Variants in FAT3 observed in about 807,000 individuals in gnomAD.
FAT3 encodes the protein FAT atypical cadherin 3.
Under a neutral mutation model 310.2 loss-of-function variants are expected in FAT3, and 95 were observed. That is an observed-to-expected ratio of 0.31 (90% CI 0.26 to 0.36). FAT3 has a LOEUF of 0.36. FAT3 is among the 10% of genes least tolerant of loss of function. The pLI, the probability that FAT3 is intolerant of heterozygous loss-of-function variation, is 1.00. For missense variants in FAT3, 5,408 were observed against 5,715.6 expected, an observed-to-expected ratio of 0.95 and a Z score of 1.74; for synonymous variants, 2,314 against 2,192.9, an observed-to-expected ratio of 1.06 and a Z score of -1.54.
chr11:92,761,895 A>AC lies in FAT3; in HGVS notation c.3711dup (p.Ile1238HisfsTer10). On this transcript the variant is annotated frameshift_variant, in exon 5 of 28. Transcript: ENST00000525166. LOFTEE classifies it high-confidence loss of function. ...TGGTGGTCCCTCTCCAAAACAGTCA[A>AC]CCATTTGGGTGGTGGTTCAGGTTCT... 1 of 1,613,930 alleles carries AC rather than the reference A, an allele frequency of 6.2e-7. No individual in the cohort carries two copies. The highest frequency in any genetic ancestry group is 8.5e-7 in the Non-Finnish European group (1 of 1,179,868).
At chr11:92,519,154 G>T (rs1389095947) in intron 2 of FAT3, among the ~76,000 whole-genome samples, 6 of 152,086 alleles carry the variant, frequency 3.9e-5, no homozygotes, top group Non-Finnish European at 8.8e-5. Context: ...GATTTATAAA[G>T]CTACATTAAT....
chr11:92,487,841 A>G (rs1397302017), intron 2 of FAT3, among the ~76,000 whole-genome samples: 2 of 152,180 alleles, frequency 1.3e-5, no homozygotes, highest in African/African-American at 4.8e-5. Context: ...AAACATGAGC[A>G]TGCACCACAG....
At chr11:92,463,340 A>G (rs908551704) in intron 2 of FAT3, among the ~76,000 whole-genome samples, 2 of 152,194 alleles carry the variant, frequency 1.3e-5, no homozygotes, top group Non-Finnish European at 2.9e-5. Context: ...AATGTAACAT[A>G]GTGTTTAGAA....
At chr11:92,509,290 G>A (rs1026518119) in intron 2 of FAT3, among the ~76,000 whole-genome samples, 6 of 152,088 alleles carry the variant, frequency 3.9e-5, no homozygotes, top group African/African-American at 1.4e-4. Context: ...CTTTCTGGAA[G>A]GCAATTTAGT....
At chr11:92,671,286 C>T (rs1461491382) in intron 3 of FAT3, among the ~76,000 whole-genome samples, 4 of 152,050 alleles carry the variant, frequency 2.6e-5, no homozygotes, top group Non-Finnish European at 5.9e-5. Context: ...CTCAAGTGAA[C>T]CACCCACTCA....
At chr11:92,805,433 A>T (rs1303490785) in intron 11 of FAT3, 84 bp downstream of exon 11, 3 of 1,434,004 alleles carry the variant, frequency 2.1e-6, no homozygotes, top group African/African-American at 2.8e-5. Context: ...TCTTAAGGCC[A>T]GGCAAACTTC....
chr11:92,610,519 T>A (rs561792931), intron 3 of FAT3, among the ~76,000 whole-genome samples: 2 of 152,324 alleles, frequency 1.3e-5, no homozygotes, highest in South Asian at 2.1e-4. Flanking sequence ...CTTCCTTTTT[T>A]AGACTTTCAA....
intron 2 of FAT3, among the ~76,000 whole-genome samples, chr11:92,483,845 A>G (rs2135204030): frequency 6.6e-6 from 1 of 152,330 alleles, no homozygotes; most frequent in Non-Finnish European, 1.5e-5. Flanking sequence ...TAAATTCTTC[A>G]AAATAAGCAA....
chr11:92,397,910 T>C (rs1396138567), intron 2 of FAT3, among the ~76,000 whole-genome samples: 3 of 152,116 alleles, frequency 2.0e-5, no homozygotes, highest in East Asian at 3.9e-4. Context: ...TGACCCATAA[T>C]ACACACAAAT....
At position 92,354,362 on chromosome 11, in the gene FAT3, C is replaced by T. The variant is rs1436268540; in HGVS notation, c.2250C>T (p.Ala750=). ...GTGCTAACATTCTGAAGATTAAAGC[C>T]TATGATGCCGACTCTGGCTTCAATG... The part of the protein sequence containing the change: ...PVGANILKIK[A]YDADSGFNGK... The change falls in exon 2 of 28, where the codon GCC becomes GCT. Residue 750 remains alanine (A), a synonymous_variant. Transcript: ENST00000525166. 5 of 1,613,894 alleles carry T rather than the reference C, an allele frequency of 3.1e-6. No individual in the cohort carries two copies. The highest frequency in any genetic ancestry group is 2.2e-5 in the South Asian group (2 of 91,076).
At chr11:92,657,955 A>G (rs990936010) in intron 3 of FAT3, among the ~76,000 whole-genome samples, 2 of 152,230 alleles carry the variant, frequency 1.3e-5, no homozygotes, top group Admixed American at 1.3e-4. Flanking sequence ...GGAGCCATAT[A>G]TGTAATTTTA....
chr11:92,862,766 A>G (rs1039753767), intron 21 of FAT3, among the ~76,000 whole-genome samples: 13 of 152,240 alleles, frequency 8.5e-5, no homozygotes, highest in Non-Finnish European at 1.8e-4. Flanking sequence ...TAATAAGATA[A>G]CTAAGAGTTT....
intron 3 of FAT3, among the ~76,000 whole-genome samples, chr11:92,560,007 C>T (rs533022050): frequency 3.3e-5 from 5 of 152,212 alleles, no homozygotes; most frequent in East Asian, 3.9e-4. Context: ...GTTACTACTC[C>T]GTGTTTAATT....
At chr11:92,639,844 C>G (rs1941893657) in intron 3 of FAT3, among the ~76,000 whole-genome samples, 1 of 152,142 alleles carries the variant, frequency 6.6e-6, no homozygotes, top group South Asian at 2.1e-4. Context: ...AGTGTGTTTT[C>G]TGCAGTGGAA....
At chr11:92,493,046 C>T (rs1003547717) in intron 2 of FAT3, among the ~76,000 whole-genome samples, 9 of 152,054 alleles carry the variant, frequency 5.9e-5, no homozygotes, top group Admixed American at 3.9e-4. Context: ...AGATTTCAAA[C>T]GACTTGTCAT....
chr11:92,511,824 T>C (rs958917710), intron 2 of FAT3, among the ~76,000 whole-genome samples: 2 of 152,178 alleles, frequency 1.3e-5, no homozygotes, highest in Non-Finnish European at 2.9e-5. Flanking sequence ...TCCAGACCAA[T>C]CCAACATCTG....
chr11:92,269,490 A>G (rs1946063409), intron 1 of FAT3, among the ~76,000 whole-genome samples: 1 of 152,160 alleles, frequency 6.6e-6, no homozygotes, highest in South Asian at 2.1e-4. Flanking sequence ...TGGGACATAT[A>G]CTTTGAACAA....
At chr11:92,275,731 G>T (rs1946251285) in intron 1 of FAT3, among the ~76,000 whole-genome samples, 1 of 152,074 alleles carries the variant, frequency 6.6e-6, no homozygotes, top group South Asian at 2.1e-4. Flanking sequence ...CATGAGTTGT[G>T]TAAAATAAGA....
intron 2 of FAT3, among the ~76,000 whole-genome samples, chr11:92,407,613 C>G (rs1222779542): frequency 6.6e-6 from 1 of 152,092 alleles, no homozygotes; most frequent in Non-Finnish European, 1.5e-5. Flanking sequence ...AGACTGAAAT[C>G]TAATGTAGGC....
Sources: gnomAD v4.1 joint callset for allele counts (sites outside exome capture counted in the v4.1 genomes callset) on GRCh38, gnomAD v4.1.1 for gene constraint, MANE v1.5 for transcripts, NCBI Gene and HGNC (gene_info 2026-07-23, HGNC 2026-07-21) for gene names.